Variants in ZSCAN1 observed in about 807,000 individuals in gnomAD.
ZSCAN1 encodes the protein zinc finger and SCAN domain-containing protein 1.
In ZSCAN1, 23 loss-of-function variants were observed where a neutral mutation model predicts 23.8. The observed-to-expected ratio is 0.97, with a 90% CI of 0.70 to 1.37. The LOEUF (loss-of-function observed/expected upper bound fraction) is 1.37, where lower values mean the gene tolerates loss of function less well. ZSCAN1 is among the 40% of genes most tolerant of loss of function. ZSCAN1 has a pLI of 0.00. For missense variants in ZSCAN1, 575 were observed against 554.0 expected (o/e 1.04, Z -0.38); for synonymous variants, 236 against 232.3 (o/e 1.02, Z -0.15).
At chr19:58,042,664 G>T in intron 4 of ZSCAN1, among the ~76,000 whole-genome samples, 1 of 152,194 alleles carries the variant, frequency 6.6e-6, no homozygotes, top group Admixed American at 6.5e-5. Context: ...GACCACAGTT[G>T]TTGGCCACGG....
rs148203449 is a variant in ZSCAN1 at position 58,053,793 on chromosome 19, C to T, written c.969C>T (p.Pro323=). 105 of 1,614,120 alleles carry T rather than the reference C, an allele frequency of 6.5e-5. No individual in the cohort carries two copies. In the African/African-American group the frequency reaches 9.9e-4, roughly 15 times the overall value. The change falls in exon 6 of 6, where the codon CCC becomes CCT. Residue 323 remains proline (P), a synonymous_variant. Coordinates refer to ENST00000282326, the MANE Select transcript of ZSCAN1 (RefSeq NM_182572.4). This position sits in a 1 kb window ranked among gnomAD's most constrained non-coding sequence, Gnocchi z 5.8. ...THREEGPFPC[P]ECGKVFLHNS... ...GCGAGGAAGGGCCCTTTCCGTGCCC[C>T]GAGTGTGGCAAGGTCTTCCTGCACA...
rs2241406 is a variant in ZSCAN1, at chr19:58,038,225, C to G, written c.370+19C>G. On this transcript the variant is annotated intron_variant, in intron 3 of 5. Coordinates refer to ENST00000282326, the MANE Select transcript of ZSCAN1 (RefSeq NM_182572.4). The stretch of plus-strand genomic sequence containing the variant: ...CAGGAAGGTGAGAGGCGCAGGCTTC[C>G]TGCCCCGGGCCGGGCCAGGGGGCCT... 1,415,685 of 1,589,720 alleles carry G rather than the reference C, an allele frequency of 0.89. 635,867 individuals are homozygous for G. Among genetic ancestry groups the G allele is most frequent in the Middle Eastern group, 0.95 (4,909 of 5,170 alleles).
chr19:58,048,543 G>T (rs10410641), intron 4 of ZSCAN1, among the ~76,000 whole-genome samples: 6 of 152,170 alleles, frequency 3.9e-5, no homozygotes, highest in Admixed American at 1.3e-4. Context: ...GCCGTGGCAT[G>T]ATCTCGGCTC....
chr19:58,044,201 G>A (rs2073808434), intron 4 of ZSCAN1, among the ~76,000 whole-genome samples: 1 of 151,982 alleles, frequency 6.6e-6, no homozygotes, highest in Non-Finnish European at 1.5e-5. Context: ...GGATCCAGGA[G>A]GCGGAGGCTG....
At chr19:58,050,611 C>T (rs1427409784) in intron 4 of ZSCAN1, among the ~76,000 whole-genome samples, 1 of 151,832 alleles carries the variant, frequency 6.6e-6, no homozygotes, top group African/African-American at 2.4e-5. Flanking sequence ...ACCTCCGCCT[C>T]CTGGGTTCAA....
rs1178917724 is a variant in ZSCAN1 at position 58,047,823 on chromosome 19, G to T, written c.466-4667G>T. 1.3e-5 allele frequency among the ~76,000 whole-genome samples: 2 copies of T among 152,210 alleles called. No individual in the cohort carries two copies. The highest frequency in any genetic ancestry group is 4.8e-5 in the African/African-American group (2 of 41,454). ...AAGGGCAACACCCGCAGTGCTTAGG[G>T]TTTACCCTGTGCCCTCTGGGTGGGG... is the stretch of plus-strand genomic sequence containing the variant. On this transcript the variant is annotated intron_variant, in intron 4 of 5. Coordinates refer to ENST00000282326, the MANE Select transcript of ZSCAN1 (RefSeq NM_182572.4). The surrounding 1 kb of genome is among the most constrained non-coding windows in gnomAD (Gnocchi z 4.9).
At chr19:58,054,817 G>A (rs571017029), downstream of ZSCAN1, among the ~76,000 whole-genome samples, 2 of 152,286 alleles carry the variant, frequency 1.3e-5, no homozygotes, top group South Asian at 4.1e-4. The surrounding 1 kb of genome is among the most constrained non-coding windows in gnomAD (Gnocchi z 4.2). Flanking sequence ...GACCAAAACT[G>A]ACCTGCCTGT....
At chr19:58,050,098 T>TG (rs1341827345) in intron 4 of ZSCAN1, among the ~76,000 whole-genome samples, 1 of 151,940 alleles carries the variant, frequency 6.6e-6, no homozygotes, top group Non-Finnish European at 1.5e-5. Flanking sequence ...CCTTTTTTTT[T>TG]TTTCCAAAAT....
Position 58,041,058 on chromosome 19 carries a change from C to T in ZSCAN1, c.465+514C>T, listed in dbSNP as rs554280385. Among the ~76,000 whole-genome samples, 22 of 152,266 alleles carry T rather than the reference C, an allele frequency of 1.4e-4. No homozygotes were observed. In the East Asian group the frequency reaches 2.9e-3, roughly 20 times the overall value. On this transcript the variant is annotated intron_variant, in intron 4 of 5. Coordinates refer to ENST00000282326, the MANE Select transcript of ZSCAN1 (RefSeq NM_182572.4). ...GAGATTAAAATCAGGGGTGGGGACA[C>T]GCAGACACATGAGAGAAATCCAGGG...
chr19:58,038,393 T>C (rs2073757839), intron 3 of ZSCAN1, 187 bp downstream of exon 3: 1 of 725,774 alleles, frequency 1.4e-6, no homozygotes, highest in East Asian at 2.7e-5. Context: ...ACGCCTCATC[T>C]GCCTCGAATT....
Position 58,050,089 on chromosome 19 carries a change from CT to C in ZSCAN1, c.466-2389del, listed in dbSNP as rs34901723. 4.9e-3 allele frequency among the ~76,000 whole-genome samples: 707 copies of C among 144,858 alleles called. 4 individuals are homozygous for C. Among genetic ancestry groups the C allele is most frequent in the African/African-American group, 0.014 (553 of 39,522 alleles). On this transcript the variant is annotated intron_variant, in intron 4 of 5. Transcript: ENST00000282326. Reference sequence around the variant, plus strand: ...CTTGGTGATGTCGCTCCACTCTTTCCTTTTTTTTTTTTCCAAAATAACCCAG... The same window carrying C: ...CTTGGTGATGTCGCTCCACTCTTTCCTTTTTTTTTTTCCAAAATAACCCAG...
rs1367198798 is a variant in ZSCAN1, at chr19:58,049,432, CA to C, written c.466-3057del. The C allele has an allele frequency of 6.6e-6, 1 of 152,368 alleles. No individual in the cohort carries two copies. Among genetic ancestry groups the C allele is most frequent in the East Asian group, 1.9e-4 (1 of 5,204 alleles). 9.4% of individuals were successfully genotyped at this position (152,368 alleles called of 1,614,324 possible). ...TTTCCTCTGTATTGGTTGTGGTACT[CA>C]TTCAGGTCTTTGCTGGTGGAGAAGT... On this transcript the variant is annotated intron_variant, in intron 4 of 5. Coordinates refer to ENST00000282326, the MANE Select transcript of ZSCAN1 (RefSeq NM_182572.4). The surrounding 1 kb of genome is among the most constrained non-coding windows in gnomAD (Gnocchi z 4.5).
At chr19:58,035,007 G>A (rs2073724765) in intron 1 of ZSCAN1, among the ~76,000 whole-genome samples, 2 of 151,780 alleles carry the variant, frequency 1.3e-5, no homozygotes, top group Admixed American at 6.6e-5. Context: ...GCCCATCCCC[G>A]CAATAGAATT....
At chr19:58,050,196 A>C (rs952868943) in intron 4 of ZSCAN1, among the ~76,000 whole-genome samples, 1 of 151,614 alleles carries the variant, frequency 6.6e-6, no homozygotes, top group African/African-American at 2.4e-5. Flanking sequence ...GCACTTTGGG[A>C]GGCCGAGGTG....
At chr19:58,051,957 C>G (rs374977685) in intron 4 of ZSCAN1, among the ~76,000 whole-genome samples, 2 of 152,230 alleles carry the variant, frequency 1.3e-5, no homozygotes, top group East Asian at 3.9e-4. Flanking sequence ...GGGCGGGACA[C>G]GGTTAGGTGC....
At position 58,049,883 on chromosome 19, in the gene ZSCAN1, G is replaced by A. The variant is rs1278296051; in HGVS notation, c.466-2607G>A. ...CATCTCAGGTATGCATTATCTCACC[G>A]GTGAGCTTTTTCTTGTGGGCATTCT... is the stretch of plus-strand genomic sequence containing the variant. On this transcript the variant is annotated intron_variant, in intron 4 of 5. Coordinates refer to ENST00000282326, the MANE Select transcript of ZSCAN1 (RefSeq NM_182572.4). This position sits in a 1 kb window ranked among gnomAD's most constrained non-coding sequence, Gnocchi z 4.5. 4.6e-5 allele frequency among the ~76,000 whole-genome samples: 7 copies of A among 152,094 alleles called. No homozygotes were observed. Among genetic ancestry groups the A allele is most frequent in the South Asian group, 2.1e-4 (1 of 4,822 alleles).
chr19:58,052,083 G>GT (rs1267785678), intron 4 of ZSCAN1, among the ~76,000 whole-genome samples: 2 of 152,264 alleles, frequency 1.3e-5, no homozygotes, highest in Admixed American at 6.5e-5. Context: ...GCCCCAGCTT[G>GT]TAACAGTGAC....
Position 58,045,001 on chromosome 19 carries a change from C to T in ZSCAN1, c.465+4457C>T, listed in dbSNP as rs1443050376. The T allele has an allele frequency of 8.7e-6, 10 of 1,145,360 alleles. No individual in the cohort carries two copies. Among genetic ancestry groups the T allele is most frequent in the Middle Eastern group, 1.9e-4 (1 of 5,170 alleles). The allele number at this position is 1,145,360 out of a possible 1,614,324, so 70.9% of individuals were successfully genotyped here. ...GAACAAGAAGCTGGAGGAAGGCGGC[C>T]CTGTGTACAGCGCCCCCGCAGAGAT... On this transcript the variant is annotated intron_variant, in intron 4 of 5. Coordinates refer to ENST00000282326, the MANE Select transcript of ZSCAN1 (RefSeq NM_182572.4). This position sits in a 1 kb window ranked among gnomAD's most constrained non-coding sequence, Gnocchi z 4.3.
rs2073874136 is a variant in ZSCAN1 at position 58,053,738 on chromosome 19, C to G, written c.914C>G (p.Thr305Ser). The change falls in exon 6 of 6, where the codon ACC becomes AGC. Residue 305 changes from threonine to serine, a missense_variant. Physicochemically the swap from Thr to Ser is moderately conservative, Grantham distance 58. Coordinates refer to ENST00000282326, the MANE Select transcript of ZSCAN1 (RefSeq NM_182572.4). This position sits in a 1 kb window ranked among gnomAD's most constrained non-coding sequence, Gnocchi z 5.8. Reference sequence around the variant, plus strand: ...TGTGGGATGGTCTTCACCTGGGTCACCCACTTCATCGAGCACCAGAAGACC... The same window carrying G: ...TGTGGGATGGTCTTCACCTGGGTCAGCCACTTCATCGAGCACCAGAAGACC... ...ADCGMVFTWV[T>S]HFIEHQKTHR... 6.2e-7 allele frequency: 1 copy of G among 1,614,032 alleles called. No homozygotes were observed. The highest frequency in any genetic ancestry group is 1.3e-5 in the African/African-American group (1 of 74,918).
Sources: allele counts gnomAD v4.1 joint callset (sites outside exome capture counted in the v4.1 genomes callset), GRCh38; gene constraint gnomAD v4.1.1; non-coding constraint Gnocchi (gnomAD v3.1); transcripts MANE v1.5; gene names NCBI Gene and HGNC (gene_info 2026-07-23, HGNC 2026-07-21).